The following IFT27 variants were observed in gnomAD, a reference collection of about 807,000 sequenced individuals.
The protein encoded by IFT27 is intraflagellar transport protein 27 homolog.
A neutral mutation model predicts 23.9 loss-of-function variants in IFT27; 19 were observed. The observed-to-expected ratio is 0.79, with a 90% CI of 0.55 to 1.16. The LOEUF (loss-of-function observed/expected upper bound fraction) is 1.16. Among genes scored for constraint, IFT27 ranks in the 50% most tolerant of loss-of-function variants. IFT27 has a pLI of 0.00. For synonymous variants in IFT27, 91 were observed against 89.1 expected (o/e 1.02, Z -0.12); for missense variants, 206 against 228.7 (o/e 0.90, Z 0.64).
intron 6 of IFT27, 63 bp downstream of exon 6, chr22:36,762,841 G>T: frequency 9.4e-7 from 1 of 1,068,852 alleles, no homozygotes; most frequent in African/African-American, 1.6e-5. Flanking sequence ...GAGGTCATGT[G>T]CAAGACCGCT....
chr22:36,771,170 C>G (rs977822557), intron 1 of IFT27, among the ~76,000 whole-genome samples: 7 of 152,204 alleles, frequency 4.6e-5, no homozygotes, highest in Non-Finnish European at 7.4e-5. Context: ...AGGGCCCCTC[C>G]TCCCTGCTTC....
chr22:36,768,043 A>C, intron 1 of IFT27, 181 bp from the exon 2 acceptor site: 1 of 704,388 alleles, frequency 1.4e-6, no homozygotes, highest in Non-Finnish European at 2.7e-6. Flanking sequence ...ACTGATCTGC[A>C]AACCTCACAA....
At chr22:36,759,723 CAGA>C (rs1005605231) in intron 6 of IFT27, 2 of 152,348 alleles carry the variant, frequency 1.3e-5, no homozygotes, top group African/African-American at 2.4e-5. Flanking sequence ...CCCAACGAAA[CAGA>C]AGGATTTCCA....
chr22:36,776,075 A>G lies in IFT27; in HGVS notation c.-368T>C, dbSNP rs1772970598. The G allele has an allele frequency of 1.9e-5, 6 of 316,196 alleles. No individual in the cohort carries two copies. Among genetic ancestry groups the G allele is most frequent in the Admixed American group, 4.2e-5 (1 of 23,842 alleles). 19.6% of individuals were successfully genotyped at this position (316,196 alleles called of 1,614,324 possible). On this transcript the variant is annotated 5_prime_UTR_variant, in exon 1 of 7. Coordinates refer to ENST00000433985, the MANE Select transcript of IFT27 (RefSeq NM_001177701.3). ...ACGATCCGGCTCTCCTCCGATCACA[A>G]GTACCGGGCCGGATGCACTCTCCAA...
intron 4 of IFT27, among the ~76,000 whole-genome samples, chr22:36,764,318 A>C (rs1387314332): frequency 2.6e-5 from 4 of 152,358 alleles, no homozygotes; most frequent in Non-Finnish European, 4.4e-5. Flanking sequence ...AAACCTCCCA[A>C]CTCGGTAGAG....
At chr22:36,766,928 C>CTT (rs11428853) in intron 3 of IFT27, 9,057 of 149,402 alleles carry the variant, frequency 0.061, 309 homozygotes, top group South Asian at 0.094. Flanking sequence ...AGTACTTATA[C>CTT]TTTTTTTTTT....
chr22:36,758,940 C>T (rs184417673), intron 6 of IFT27: 1 of 156,222 alleles, frequency 6.4e-6, no homozygotes, highest in African/African-American at 2.4e-5. Flanking sequence ...CCTCCTTTGT[C>T]AAACTAAACG....
intron 1 of IFT27, chr22:36,768,383 G>A (rs1938310054): frequency 6.9e-6 from 2 of 291,890 alleles, no homozygotes; most frequent in African/African-American, 4.4e-5. Flanking sequence ...CTGAGGCTGT[G>A]TTCATCATTC....
intron 1 of IFT27, among the ~76,000 whole-genome samples, chr22:36,774,043 A>T (rs1938444506): frequency 6.6e-6 from 1 of 152,204 alleles, no homozygotes; most frequent in Non-Finnish European, 1.5e-5. Context: ...CCTTATCCAT[A>T]AGGAAATTAA....
At position 36,764,026 on chromosome 22, in the gene IFT27, G is replaced by A. The variant is rs140877667; in HGVS notation, c.245C>T (p.Pro82Leu). The A allele has an allele frequency of 6.6e-5, 107 of 1,611,736 alleles. No homozygotes were observed. The highest frequency in any genetic ancestry group is 8.9e-5 in the Non-Finnish European group (105 of 1,177,882). Residue 82 changes from proline to leucine, a missense_variant, in exon 5 of 7, where the codon CCC (proline) becomes CTC (leucine). By Grantham distance (98) the Pro-to-Leu change is moderately conservative (BLOSUM62 -3). Coordinates refer to ENST00000433985, the MANE Select transcript of IFT27 (RefSeq NM_001177701.3). ...SEMLDKLWES[P>L]NVLCLVYDVT... is the part of the protein sequence containing the mutation. ...ATCATAGACGAGACATAAGACATTGGGACTCTCCCACTGTGCAAGAGGGAC... is the reference window on the plus strand; with the variant it reads ...ATCATAGACGAGACATAAGACATTGAGACTCTCCCACTGTGCAAGAGGGAC...
intron 6 of IFT27, 22 bp from the exon 7 acceptor site, chr22:36,758,431 T>C: frequency 3.1e-6 from 5 of 1,595,980 alleles, no homozygotes; most frequent in Non-Finnish European, 4.3e-6. Flanking sequence ...GTTTAAAAAG[T>C]TGGCTGTGTT....
At position 36,764,042 on chromosome 22, in the gene IFT27, C is replaced by T. The variant is rs758815316; in HGVS notation, c.235-6G>A. The T allele has an allele frequency of 1.3e-6, 2 of 1,576,676 alleles. No homozygotes were observed. Among genetic ancestry groups the T allele is most frequent in the Non-Finnish European group, 8.7e-7 (1 of 1,145,816 alleles). On this transcript the variant is annotated splice_polypyrimidine_tract_variant and splice_region_variant and intron_variant, in intron 4 of 6. Coordinates refer to ENST00000433985, the MANE Select transcript of IFT27 (RefSeq NM_001177701.3). Reference sequence around the variant, plus strand: ...AAGACATTGGGACTCTCCCACTGTGCAAGAGGGACAGGATGAGTATGGGTC... The same window carrying T: ...AAGACATTGGGACTCTCCCACTGTGTAAGAGGGACAGGATGAGTATGGGTC...
chr22:36,770,823 C>T (rs1009277667), intron 1 of IFT27, among the ~76,000 whole-genome samples: 5 of 152,264 alleles, frequency 3.3e-5, no homozygotes, highest in African/African-American at 1.2e-4. Flanking sequence ...CTATCTCAGC[C>T]CCAAGCCCAT....
intron 1 of IFT27, among the ~76,000 whole-genome samples, chr22:36,770,370 C>T (rs1017135134): frequency 2.0e-5 from 3 of 152,118 alleles, no homozygotes; most frequent in Non-Finnish European, 4.4e-5. Context: ...CTGCCTGCCC[C>T]TCTGCCCCCC....
intron 6 of IFT27, chr22:36,762,186 T>C (rs1385299543): frequency 6.6e-6 from 1 of 152,264 alleles, no homozygotes; most frequent in East Asian, 1.9e-4. Context: ...TGGCTGCATC[T>C]TGGCCTCAAG....
rs924153419 is a variant in IFT27 at position 36,775,905 on chromosome 22, T to C, written c.-198A>G. ...TGGGCCGGGGGCGGATATCGGGCGC[T>C]GGGGGCGGGTGGGCAGGGGAGGGCT... is the stretch of plus-strand genomic sequence containing the variant. On this transcript the variant is annotated 5_prime_UTR_variant, in exon 1 of 7. Transcript: ENST00000433985. 1 of 1,602 alleles carries C rather than the reference T, an allele frequency of 6.2e-4. No homozygotes were observed. Among genetic ancestry groups the C allele is most frequent in the Admixed American group, 7.7e-3 (1 of 130 alleles). The allele number at this position is 1,602 out of a possible 1,614,324, so 0.1% of individuals were successfully genotyped here. A position where few individuals can be genotyped will look rare whatever the true frequency, so the allele number is the denominator to read the frequency against.
At chr22:36,763,848 G>T in intron 5 of IFT27, 71 bp downstream of exon 5, 2 of 1,107,666 alleles carry the variant, frequency 1.8e-6, no homozygotes, top group Non-Finnish European at 2.8e-6. Context: ...AGCTACCTCT[G>T]CAATGCCCTT....
chr22:36,761,666 C>T (rs1025539693), intron 6 of IFT27: 5 of 152,224 alleles, frequency 3.3e-5, no homozygotes, highest in Admixed American at 6.5e-5. Context: ...ATGATCCTCA[C>T]TTTACAAGCC....
intron 1 of IFT27, among the ~76,000 whole-genome samples, chr22:36,770,317 C>T (rs1020455815): frequency 9.2e-5 from 14 of 152,156 alleles, no homozygotes; most frequent in African/African-American, 3.1e-4. Flanking sequence ...AGTCCTGTCC[C>T]CGTGGCCTCA....
Sources: allele counts gnomAD v4.1 joint callset (sites outside exome capture counted in the v4.1 genomes callset), GRCh38; gene constraint gnomAD v4.1.1; transcripts MANE v1.5; gene names NCBI Gene and HGNC (gene_info 2026-07-23, HGNC 2026-07-21).